SARDH: variants seen among roughly 807,000 people sequenced by gnomAD.
SARDH encodes sarcosine dehydrogenase.
In SARDH, 95 loss-of-function variants were observed where a neutral mutation model predicts 109.1. The ratio of observed to expected loss-of-function variants is 0.87; its 90% confidence interval spans 0.74 to 1.03. SARDH has a LOEUF of 1.03. Among genes scored for constraint, SARDH ranks in the 50% least tolerant of loss-of-function variants. The probability of loss-of-function intolerance (pLI) is 0.00; values close to 1 mark genes in which losing one functional copy is unlikely to be tolerated. For missense variants in SARDH, 1,267 were observed against 1,287.8 expected (o/e 0.98, Z 0.25); for synonymous variants, 572 against 534.8 (o/e 1.07, Z -0.96).
chr9:133,703,870 C>A (rs1831586557), intron 12 of SARDH, among the ~76,000 whole-genome samples: 1 of 152,204 alleles, frequency 6.6e-6, no homozygotes, highest in Non-Finnish European at 1.5e-5. Flanking sequence ...GCAGGGACAT[C>A]CCACCCACTG....
downstream of SARDH, among the ~76,000 whole-genome samples, chr9:133,662,569 C>A (rs1003361687): frequency 2.6e-5 from 4 of 152,236 alleles, no homozygotes; most frequent in African/African-American, 9.6e-5. This position sits in a 1 kb window ranked among gnomAD's most constrained non-coding sequence, Gnocchi z 5.1. Context: ...TCCCCAGACT[C>A]AGGGGGCCAA....
At position 133,670,725 on chromosome 9, in the gene SARDH, C is replaced by T. The variant is rs766107812; in HGVS notation, c.2354G>A (p.Arg785Gln). Residue 785 changes from arginine (R) to glutamine (Q), a missense_variant, in exon 19 of 21, where the codon CGG (arginine) becomes CAG (glutamine). Physicochemically the swap from Arg to Gln is conservative, Grantham distance 43. Coordinates refer to ENST00000439388, the MANE Select transcript of SARDH (RefSeq NM_001134707.2). ...KGYRHWHADL[R>Q]PDDSPLEAGL... ...TGCCTCCAGGGGGCTGTCGTCTGGCCGCAGGTCCGCGTGCCAGTGCCGGTA... is the reference window on the plus strand; with the variant it reads ...TGCCTCCAGGGGGCTGTCGTCTGGCTGCAGGTCCGCGTGCCAGTGCCGGTA... The T allele has an allele frequency of 1.3e-5, 21 of 1,592,468 alleles. No homozygotes were observed. The East Asian group carries it at 2.2e-4, about 17-fold the overall frequency.
intron 20 of SARDH, among the ~76,000 whole-genome samples, chr9:133,664,556 C>A (rs530429545): frequency 1.3e-5 from 2 of 152,316 alleles, no homozygotes; most frequent in Admixed American, 1.3e-4. Flanking sequence ...CACCTCCAGC[C>A]TGGCACAGCT....
intron 1 of SARDH, among the ~76,000 whole-genome samples, chr9:133,735,134 C>T (rs758255595): frequency 1.3e-5 from 2 of 152,196 alleles, no homozygotes; most frequent in Non-Finnish European, 2.9e-5. Context: ...CACCCAACCC[C>T]CAAGCCTGGA....
chr9:133,687,174 AC>A (rs1481055242), intron 16 of SARDH, among the ~76,000 whole-genome samples: 3 of 152,246 alleles, frequency 2.0e-5, no homozygotes, highest in African/African-American at 7.2e-5. Context: ...AAGAAAGCAC[AC>A]AAAGCCCCTG....
At chr9:133,725,551 A>G (rs573544679) in intron 6 of SARDH, 10 of 434,250 alleles carry the variant, frequency 2.3e-5, no homozygotes, top group African/African-American at 1.8e-4. Flanking sequence ...TGACGGGCAC[A>G]TTTAATCCCA....
intron 17 of SARDH, among the ~76,000 whole-genome samples, chr9:133,684,781 C>T (rs1830824248): frequency 6.6e-6 from 1 of 152,226 alleles, no homozygotes; most frequent in Non-Finnish European, 1.5e-5. Flanking sequence ...TGGGAGGCTG[C>T]CACACGGAGC....
chr9:133,731,315 C>G lies in SARDH; in HGVS notation c.680G>C (p.Arg227Pro). Residue 227 changes from arginine (R) to proline (P), a missense_variant, in exon 4 of 21, where the codon CGA becomes CCA. Transcript: ENST00000439388. ...GGCGGCCATCAGTACCTGTGCTCCT[C>G]GGGCAGAAGCTGCCCTGGCGAGGGT... ...CTTLARAASA[R>P]GAQVIENCPV... 6.2e-7 allele frequency: 1 copy of G among 1,614,032 alleles called. No homozygotes were observed.
At chr9:133,729,636 T>G in intron 6 of SARDH, 129 bp downstream of exon 6, 1 of 699,786 alleles carries the variant, frequency 1.4e-6, no homozygotes, top group Non-Finnish European at 2.4e-6. Flanking sequence ...ATTTCACAGA[T>G]GAGGTGACTG....
chr9:133,696,124 G>A, intron 14 of SARDH, 99 bp downstream of exon 14: 1 of 1,458,550 alleles, frequency 6.9e-7, no homozygotes, highest in Admixed American at 1.8e-5. Flanking sequence ...GTGTGCTCAG[G>A]GTGCCCGAGG....
chr9:133,702,510 C>T (rs528936781), intron 13 of SARDH, among the ~76,000 whole-genome samples: 1 of 152,266 alleles, frequency 6.6e-6, no homozygotes, highest in South Asian at 2.1e-4. Flanking sequence ...GCCCCCTTGT[C>T]CTGGATCTAC....
At chr9:133,678,480 A>G (rs536932593) in intron 17 of SARDH, among the ~76,000 whole-genome samples, 16 of 152,326 alleles carry the variant, frequency 1.1e-4, no homozygotes, top group African/African-American at 2.6e-4. Flanking sequence ...AAAGCCAGCC[A>G]TGAGACCTAG....
chr9:133,713,166 C>T (rs749963324), intron 8 of SARDH, 42 bp from the exon 9 acceptor site: 1 of 1,553,188 alleles, frequency 6.4e-7, no homozygotes, highest in Non-Finnish European at 8.8e-7. Context: ...TTTTGCAGTG[C>T]ACATACTCTT....
chr9:133,694,470 C>A, intron 14 of SARDH, 99 bp from the exon 15 acceptor site: 1 of 993,216 alleles, frequency 1.0e-6, no homozygotes, highest in South Asian at 1.4e-5. Context: ...AGCTCCTTGT[C>A]ACGGAGGCTG....
rs555791458 is a variant in SARDH, at chr9:133,681,307, C to T, written c.2163+3886G>A. 4.6e-5 allele frequency among the ~76,000 whole-genome samples: 7 copies of T among 152,308 alleles called. No individual in the cohort carries two copies. The South Asian group carries it at 8.3e-4, about 18-fold the overall frequency. On this transcript the variant is annotated intron_variant, in intron 17 of 20. Transcript: ENST00000439388. ...AGTCCCAGGGCAGAGCCCCCCAACA[C>T]GGGCCACACTTTTTTTCTAGCCAAG...
intron 17 of SARDH, among the ~76,000 whole-genome samples, chr9:133,673,801 A>G (rs1830429198): frequency 6.6e-6 from 1 of 152,232 alleles, no homozygotes; most frequent in African/African-American, 2.4e-5. Flanking sequence ...AATAATTTTT[A>G]AAGTGCACCT....
rs886016 is a variant in SARDH at position 133,690,507 on chromosome 9, T to C, written c.1942A>G (p.Met648Val). 0.41 allele frequency: 662,563 copies of C among 1,605,484 alleles called. 143,216 individuals carry two copies. Among genetic ancestry groups the C allele is most frequent in the African/African-American group, 0.78 (58,213 of 74,924 alleles). The change falls in exon 16 of 21, where the codon ATG becomes GTG. Residue 648 changes from methionine to valine, a missense_variant. Physicochemically the swap from Met to Val is conservative, Grantham distance 21. Coordinates refer to ENST00000439388, the MANE Select transcript of SARDH (RefSeq NM_001134707.2). ...TTGTGCTGGGCCACGGCCCCGCCCA[T>C]GGCCAGGTAGTAACCGTCCCCTGGA... Reference protein sequence around the residue: ...AFEGDGYYLAMGGAVAQHNWS... With the variant: ...AFEGDGYYLAVGGAVAQHNWS...
At chr9:133,695,892 GT>G (rs1158120891) in intron 14 of SARDH, among the ~76,000 whole-genome samples, 1 of 152,200 alleles carries the variant, frequency 6.6e-6, no homozygotes, top group Non-Finnish European at 1.5e-5. Flanking sequence ...AATCCCACCT[GT>G]GAGAGCATGG....
intron 19 of SARDH, among the ~76,000 whole-genome samples, chr9:133,669,509 G>A (rs1209543928): frequency 2.6e-5 from 4 of 151,594 alleles, no homozygotes; most frequent in Non-Finnish European, 2.9e-5. Flanking sequence ...GAGGGCCTCT[G>A]ATCAGGGCCT....
Sources: allele counts gnomAD v4.1 joint callset (sites outside exome capture counted in the v4.1 genomes callset), GRCh38; gene constraint gnomAD v4.1.1; non-coding constraint Gnocchi (gnomAD v3.1); transcripts MANE v1.5; gene names NCBI Gene and HGNC (gene_info 2026-07-23, HGNC 2026-07-21).